Variants in SEMA3C observed in about 807,000 individuals in gnomAD.
SEMA3C encodes semaphorin-3C.
A neutral mutation model predicts 89.4 loss-of-function variants in SEMA3C; 47 were observed. The ratio of observed to expected loss-of-function variants is 0.53; its 90% confidence interval spans 0.42 to 0.67. The LOEUF (loss-of-function observed/expected upper bound fraction) is 0.67. Among genes scored for constraint, SEMA3C ranks in the 30% least tolerant of loss-of-function variants. The pLI is 0.00. For synonymous variants in SEMA3C, 310 were observed against 320.2 expected (o/e 0.97, Z 0.34); for missense variants, 839 against 929.1 (o/e 0.90, Z 1.26).
intron 2 of SEMA3C, among the ~76,000 whole-genome samples, chr7:80,861,246 T>C (rs1490564263): frequency 6.6e-6 from 1 of 152,190 alleles, no homozygotes; most frequent in African/African-American, 2.4e-5. Context: ...ATATTTTTTA[T>C]ACATATAGAG....
intron 2 of SEMA3C, among the ~76,000 whole-genome samples, chr7:80,891,951 C>G (rs920510735): frequency 3.3e-5 from 5 of 152,044 alleles, no homozygotes; most frequent in African/African-American, 1.2e-4. Context: ...TATTTATTTT[C>G]TTTCCCATTA....
At chr7:80,748,790 A>G (rs1231770973) in intron 17 of SEMA3C, 108 bp downstream of exon 17, 4 of 1,099,276 alleles carry the variant, frequency 3.6e-6, no homozygotes, top group South Asian at 3.4e-5. Flanking sequence ...GACGTAAAAG[A>G]TGATCATATG....
At chr7:80,876,182 CTCTAA>C (rs1321118838) in intron 2 of SEMA3C, among the ~76,000 whole-genome samples, 1 of 152,112 alleles carries the variant, frequency 6.6e-6, no homozygotes, top group Non-Finnish European at 1.5e-5. Context: ...TTAATAATTC[CTCTAA>C]TCTATTTTTA....
At chr7:80,897,118 ATTC>A (rs1258130118) in intron 2 of SEMA3C, among the ~76,000 whole-genome samples, 1 of 152,116 alleles carries the variant, frequency 6.6e-6, no homozygotes, top group African/African-American at 2.4e-5. Context: ...ATTCTACTCA[ATTC>A]TTCTCCCTCT....
intron 2 of SEMA3C, among the ~76,000 whole-genome samples, chr7:80,831,619 G>A (rs893037010): frequency 2.6e-5 from 4 of 152,040 alleles, no homozygotes; most frequent in Admixed American, 6.6e-5. Context: ...GCATTGTTAA[G>A]GAAAATAATT....
intron 9 of SEMA3C, among the ~76,000 whole-genome samples, chr7:80,801,713 C>T (rs1789212369): frequency 6.6e-6 from 1 of 151,640 alleles, no homozygotes; most frequent in African/African-American, 2.4e-5. Flanking sequence ...TAAAGGCTGA[C>T]AATGTCTAGC....
At position 80,761,616 on chromosome 7, in the gene SEMA3C, C is replaced by A; in HGVS notation, c.1485G>T (p.Lys495Asn). Residue 495 changes from lysine (K) to asparagine (N), a missense_variant and splice_region_variant, in exon 14 of 18, where the codon AAG becomes AAT. Physicochemically the swap from Lys to Asn is moderately conservative, Grantham distance 94. Coordinates refer to ENST00000265361, the MANE Select transcript of SEMA3C (RefSeq NM_006379.5). ...GAACATAAAATAGCTTAGTTTTTACCTTTTTAGATGAAATTTTCATTGTTG... is the reference window on the plus strand; with the variant it reads ...GAACATAAAATAGCTTAGTTTTTACATTTTTAGATGAAATTTTCATTGTTG... ...PITTMKISSK[K>N]QQLYVSSNEG... is the part of the protein sequence containing the mutation. 2 of 1,303,862 alleles carry A rather than the reference C, an allele frequency of 1.5e-6. No homozygotes were observed. Among genetic ancestry groups the A allele is most frequent in the South Asian group, 1.3e-5 (1 of 75,166 alleles). The allele number at this position is 1,303,862 out of a possible 1,614,324, so 80.8% of individuals were successfully genotyped here. A position where few individuals can be genotyped will look rare whatever the true frequency, so the allele number is the denominator to read the frequency against.
Position 80,805,692 on chromosome 7 carries a change from A to G in SEMA3C, c.605T>C (p.Leu202Ser). 6.2e-7 allele frequency: 1 copy of G among 1,611,552 alleles called. No homozygotes were observed. The highest frequency in any genetic ancestry group is 8.5e-7 in the Non-Finnish European group (1 of 1,178,224). Residue 202 changes from leucine (L) to serine (S), a missense_variant, in exon 7 of 18, where the codon TTA becomes TCA. Leu to Ser is a moderately radical substitution (Grantham distance 145). Transcript: ENST00000265361. ...AGTTCTGACCGCATTCCTCTTGGTT[A>G]AACTTCGAAAAATAGCAGCATCTGT... is the stretch of plus-strand genomic sequence containing the variant. Reference protein sequence around the residue: ...MGTDAAIFRSLTKRNAVRTDQ... With the variant: ...MGTDAAIFRSSTKRNAVRTDQ...
At chr7:80,865,525 C>T (rs985609422) in intron 2 of SEMA3C, among the ~76,000 whole-genome samples, 3 of 152,098 alleles carry the variant, frequency 2.0e-5, no homozygotes, top group African/African-American at 7.2e-5. Context: ...CGGTGGCTCA[C>T]GCCTGTAATC....
chr7:80,781,118 T>C (rs1364670452), intron 12 of SEMA3C, among the ~76,000 whole-genome samples: 2 of 152,212 alleles, frequency 1.3e-5, no homozygotes, highest in African/African-American at 4.8e-5. Flanking sequence ...TCTTCCACTA[T>C]CACATCTCTA....
At position 80,820,054 on chromosome 7, in the gene SEMA3C, C is replaced by CTTTTTTTTTT. The variant is rs768363975; in HGVS notation, c.328-1646_328-1637dup. Among the ~76,000 whole-genome samples the CTTTTTTTTTT allele has an allele frequency of 1.6e-5, 2 of 124,126 alleles. 1 individual carries two copies. The highest frequency in any genetic ancestry group is 3.3e-5 in the Non-Finnish European group (2 of 60,638). 81.4% of individuals were successfully genotyped at this position (124,126 alleles called of 152,430 possible). On this transcript the variant is annotated intron_variant, in intron 4 of 17. Transcript: ENST00000265361. ...CCCCTGCTAGGTACCATGTATGCTC[C>CTTTTTTTTTT]TTTTTTTTTTTTTTTTTTTTAGAGA... is the stretch of plus-strand genomic sequence containing the variant.
Position 80,751,198 on chromosome 7 carries a change from TC to T in SEMA3C, c.1711+70del. The T allele has an allele frequency of 2.5e-6, 3 of 1,219,608 alleles. No individual in the cohort carries two copies. The South Asian group carries it at 3.8e-5, about 15-fold the overall frequency. The allele number at this position is 1,219,608 out of a possible 1,614,324, so 75.5% of individuals were successfully genotyped here. ...AAACGCCTGAATCTATGACAATGTT[TC>T]CCCTTACTGAAATGTGATACGGAGC... is the stretch of plus-strand genomic sequence containing the variant. On this transcript the variant is annotated intron_variant, in intron 16 of 17. Transcript: ENST00000265361.
At chr7:80,790,762 A>T (rs889464165) in intron 11 of SEMA3C, among the ~76,000 whole-genome samples, 9 of 151,928 alleles carry the variant, frequency 5.9e-5, no homozygotes, top group African/African-American at 2.2e-4. Flanking sequence ...AGCCCTATTT[A>T]CCTAACAGTA....
intron 2 of SEMA3C, among the ~76,000 whole-genome samples, chr7:80,844,648 A>C (rs886538567): frequency 6.6e-6 from 1 of 152,186 alleles, no homozygotes; most frequent in Non-Finnish European, 1.5e-5. Flanking sequence ...CTCATATTTA[A>C]GGAATAATAA....
chr7:80,915,276 C>A (rs919969529), intron 2 of SEMA3C, among the ~76,000 whole-genome samples: 2 of 152,142 alleles, frequency 1.3e-5, no homozygotes, highest in Non-Finnish European at 2.9e-5. Flanking sequence ...TTCTTCACAA[C>A]TTAACTGCAT....
At position 80,744,427 on chromosome 7, in the gene SEMA3C, T is replaced by C. The variant is rs1399469935; in HGVS notation, c.*467A>G. ...CTTTAAATGCTGTCTTCCTTTTCTA[T>C]TTCTTTTGATAGCCATTCTGTCATA... On this transcript the variant is annotated 3_prime_UTR_variant, in exon 18 of 18. Transcript: ENST00000265361. 2.6e-5 allele frequency: 4 copies of C among 154,318 alleles called. No homozygotes were observed. Among genetic ancestry groups the C allele is most frequent in the Admixed American group, 6.5e-5 (1 of 15,430 alleles). 9.6% of individuals were successfully genotyped at this position (154,318 alleles called of 1,614,324 possible). A position where few individuals can be genotyped will look rare whatever the true frequency, so the allele number is the denominator to read the frequency against.
At chr7:80,895,737 A>T (rs1035619722) in intron 2 of SEMA3C, among the ~76,000 whole-genome samples, 1 of 152,152 alleles carries the variant, frequency 6.6e-6, no homozygotes, top group African/African-American at 2.4e-5. Flanking sequence ...AGAATGCCTT[A>T]AAAAATCTTG....
intron 2 of SEMA3C, among the ~76,000 whole-genome samples, chr7:80,890,118 A>T (rs754880144): frequency 7.2e-5 from 11 of 152,202 alleles, no homozygotes; most frequent in Non-Finnish European, 1.6e-4. Flanking sequence ...AAATCTGGGC[A>T]CTTGTGTAAG....
chr7:80,833,023 C>A (rs112340597), intron 2 of SEMA3C, among the ~76,000 whole-genome samples: 2 of 152,090 alleles, frequency 1.3e-5, no homozygotes, highest in African/African-American at 4.8e-5. Context: ...TTTTTCTAAT[C>A]TGTACTGAAA....
Sources: allele counts gnomAD v4.1 joint callset (sites outside exome capture counted in the v4.1 genomes callset), GRCh38; gene constraint gnomAD v4.1.1; transcripts MANE v1.5; gene names NCBI Gene and HGNC (gene_info 2026-07-23, HGNC 2026-07-21).